WWTR1: variants seen among roughly 807,000 people sequenced by gnomAD.
WWTR1 encodes WW domain containing transcription regulator 1.
In WWTR1, 13 loss-of-function variants were observed where a neutral mutation model predicts 40.1. The observed-to-expected ratio is 0.32, with a 90% confidence interval of 0.21 to 0.52. The LOEUF (loss-of-function observed/expected upper bound fraction) is 0.52, where lower values mean the gene tolerates loss of function less well. Ranked by LOEUF, WWTR1 falls within the 20% of genes least tolerant of loss-of-function variation. The pLI is 0.97. For missense variants in WWTR1, 436 were observed against 523.1 expected (o/e 0.83, Z 1.63); for synonymous variants, 230 against 210.1 (o/e 1.09, Z -0.82).
chr3:149,636,361 G>C (rs763880963), intron 2 of WWTR1, among the ~76,000 whole-genome samples: 4 of 152,154 alleles, frequency 2.6e-5, no homozygotes, highest in African/African-American at 4.8e-5. Flanking sequence ...CATTGGGAAA[G>C]GTTACGATCT....
In WWTR1 at chr3:149,597,627, AT is replaced by A. The variant is rs571603947; in HGVS notation, c.432-24628del. 3.3e-3 allele frequency among the ~76,000 whole-genome samples: 503 copies of A among 152,218 alleles called. 2 individuals carry two copies. The highest frequency in any genetic ancestry group is 0.012 in the African/African-American group (486 of 41,492). On this transcript the variant is annotated intron_variant, in intron 2 of 6. Coordinates refer to ENST00000360632, the MANE Select transcript of WWTR1 (RefSeq NM_015472.6). ...GAGTGAGATCCTGTCTCAAAAAAAAATAAAATAAAGTAAAAAAGATAAACTA... is the reference window on the plus strand; with the variant it reads ...GAGTGAGATCCTGTCTCAAAAAAAAAAAAATAAAGTAAAAAAGATAAACTA...
chr3:149,536,119 C>G (rs1735819517), intron 4 of WWTR1, among the ~76,000 whole-genome samples: 1 of 152,122 alleles, frequency 6.6e-6, no homozygotes, highest in Non-Finnish European at 1.5e-5. Flanking sequence ...GACATGTAAG[C>G]AAATAAAACG....
intron 1 of WWTR1, among the ~76,000 whole-genome samples, chr3:149,695,199 A>G (rs960611959): frequency 1.8e-4 from 27 of 152,350 alleles, no homozygotes; most frequent in Middle Eastern, 3.4e-3. Context: ...GATGGTTAAT[A>G]CATACAAAAA....
In WWTR1 at chr3:149,517,907, AATG is replaced by A. The variant is rs1244647185; in HGVS notation, c.*2895_*2897del. On this transcript the variant is annotated 3_prime_UTR_variant, in exon 7 of 7. Coordinates refer to ENST00000360632, the MANE Select transcript of WWTR1 (RefSeq NM_015472.6). ...TTTCTGTGACAAAATTTTGGGGTGA[AATG>A]ATGATGTTTACTGATTGATTTAGTA... 2.0e-5 allele frequency: 3 copies of A among 152,086 alleles called. No individual in the cohort carries two copies. 9.4% of individuals were successfully genotyped at this position (152,086 alleles called of 1,614,324 possible).
chr3:149,606,253 CA>C (rs1739481407), intron 2 of WWTR1, among the ~76,000 whole-genome samples: 1 of 152,174 alleles, frequency 6.6e-6, no homozygotes, highest in South Asian at 2.1e-4. Context: ...GACTGAGAAA[CA>C]TACTAATTAT....
chr3:149,710,566 CGCCT>C (rs1263444297), intron 5 of WWTR1, among the ~76,000 whole-genome samples: 18 of 62,558 alleles, frequency 2.9e-4, no homozygotes, highest in South Asian at 7.6e-4. Context: ...TCATTATCCC[CGCCT>C]CCCCCCCCCC....
intron 2 of WWTR1, among the ~76,000 whole-genome samples, chr3:149,582,591 C>T (rs1210169219): frequency 1.3e-5 from 2 of 150,864 alleles, no homozygotes; most frequent in Non-Finnish European, 2.9e-5. Context: ...ATGAGTCGGG[C>T]GTGGTGGTAT....
chr3:149,642,154 C>T lies in WWTR1; in HGVS notation c.431+14722G>A, dbSNP rs567500179. On this transcript the variant is annotated intron_variant, in intron 2 of 6. Coordinates refer to ENST00000360632, the MANE Select transcript of WWTR1 (RefSeq NM_015472.6). ...GTACGAATGTGGCCGGGCGTGGTGG[C>T]TCACACCTGTAATCCCAGCACTTTG... Among the ~76,000 whole-genome samples the T allele has an allele frequency of 2.0e-5, 3 of 152,306 alleles. No homozygotes were observed. In the East Asian group the frequency reaches 5.8e-4, roughly 29 times the overall value.
chr3:149,560,130 A>G (rs1012539508), intron 3 of WWTR1, among the ~76,000 whole-genome samples: 2 of 152,206 alleles, frequency 1.3e-5, no homozygotes, highest in African/African-American at 4.8e-5. Flanking sequence ...TCTTGATAGG[A>G]GGAAAAATGA....
At chr3:149,643,635 C>T (rs1370478857) in intron 2 of WWTR1, among the ~76,000 whole-genome samples, 4 of 152,136 alleles carry the variant, frequency 2.6e-5, no homozygotes, top group Non-Finnish European at 5.9e-5. Context: ...GTATTCACAC[C>T]TTATCTAATT....
At chr3:149,684,967 T>G (rs78841509) in intron 1 of WWTR1, among the ~76,000 whole-genome samples, 3,235 of 152,258 alleles carry the variant, frequency 0.021, 66 homozygotes, top group South Asian at 0.092. Context: ...TCCCTTGAGC[T>G]CCACAAAATT....
At position 149,569,052 on chromosome 3, in the gene WWTR1, C is replaced by CTGTA. The variant is rs780874061; in HGVS notation, c.568+3811_568+3812insTACA. On this transcript the variant is annotated intron_variant, in intron 3 of 6. Transcript: ENST00000360632. ...AAGTGCTGGGATTACAGGTGTGAGC[C>CTGTA]ACCGCGCCCGGCATCTAAAGCTCTT... is the stretch of plus-strand genomic sequence containing the variant. Among the ~76,000 whole-genome samples, 258 of 152,288 alleles carry CTGTA rather than the reference C, an allele frequency of 1.7e-3. 1 individual carries two copies. Among genetic ancestry groups the CTGTA allele is most frequent in the Non-Finnish European group, 2.7e-3 (186 of 68,016 alleles).
intron 2 of WWTR1, among the ~76,000 whole-genome samples, chr3:149,654,223 A>G (rs1713067608): frequency 6.6e-6 from 1 of 152,208 alleles, no homozygotes; most frequent in African/African-American, 2.4e-5. Flanking sequence ...CAAGTGAGTC[A>G]CCATCATTTT....
At chr3:149,601,400 G>T (rs936182622) in intron 2 of WWTR1, among the ~76,000 whole-genome samples, 2 of 152,180 alleles carry the variant, frequency 1.3e-5, no homozygotes, top group African/African-American at 4.8e-5. Context: ...GCTTCACTGT[G>T]TTGGCCAGGC....
At chr3:149,663,169 A>G (rs1713656682) in intron 2 of WWTR1, among the ~76,000 whole-genome samples, 1 of 151,960 alleles carries the variant, frequency 6.6e-6, no homozygotes, top group African/African-American at 2.4e-5. Flanking sequence ...AGTAGCTGGG[A>G]TTACAGGTGC....
chr3:149,585,901 A>G (rs1266512155), intron 2 of WWTR1, among the ~76,000 whole-genome samples: 1 of 152,240 alleles, frequency 6.6e-6, no homozygotes, highest in African/African-American at 2.4e-5. Context: ...ACAGAAATGC[A>G]GGAAGCCTTG....
intron 3 of WWTR1, among the ~76,000 whole-genome samples, chr3:149,550,558 T>C (rs891067955): frequency 2.0e-5 from 3 of 152,194 alleles, no homozygotes; most frequent in African/African-American, 7.2e-5. Context: ...ATGAATATTA[T>C]ATTAAGTCCC....
chr3:149,576,147 G>T, intron 2 of WWTR1: 1 of 455,914 alleles, frequency 2.2e-6, no homozygotes, highest in South Asian at 1.6e-5. Flanking sequence ...CAGACCAGTC[G>T]ACCTGACATC....
chr3:149,720,192 C>A (rs1210437512), intron 4 of WWTR1, among the ~76,000 whole-genome samples: 1 of 152,108 alleles, frequency 6.6e-6, no homozygotes, highest in Non-Finnish European at 1.5e-5. Context: ...AAATCACTGC[C>A]TAATCCCATG....
Sources: allele counts gnomAD v4.1 joint callset (sites outside exome capture counted in the v4.1 genomes callset), GRCh38; gene constraint gnomAD v4.1.1; transcripts MANE v1.5; gene names NCBI Gene and HGNC (gene_info 2026-07-23, HGNC 2026-07-21).